PRKAB2: variants seen among roughly 807,000 people sequenced by gnomAD.
PRKAB2 encodes the protein 5'-AMP-activated protein kinase subunit beta-2.
Under a neutral mutation model 29.8 loss-of-function variants are expected in PRKAB2, and 18 were observed. The ratio of observed to expected loss-of-function variants is 0.60; its 90% CI spans 0.42 to 0.89. The LOEUF is 0.89. PRKAB2 is among the 40% of genes least tolerant of loss of function. The pLI is 0.00. For missense variants in PRKAB2, 270 were observed against 344.3 expected, an observed-to-expected ratio of 0.78 and a Z score of 1.71; for synonymous variants, 136 against 125.9, an observed-to-expected ratio of 1.08 and a Z score of -0.54.
rs900057635 is a variant in PRKAB2 at position 147,172,150 on chromosome 1, C to A, written c.-6G>T. 2.3e-5 allele frequency: 35 copies of A among 1,544,274 alleles called. No homozygotes were observed. Among genetic ancestry groups the A allele is most frequent in the Non-Finnish European group, 3.1e-5 (35 of 1,144,656 alleles). ...TCGCTGGTGGTGTTTCCCATGGCTG[C>A]AGCTCGTCGGGGACCACCTACCGCG... On this transcript the variant is annotated 5_prime_UTR_variant, in exon 2 of 8. Transcript: ENST00000254101.
chr1:147,167,957 C>CTAGAA, intron 2 of PRKAB2, 24 bp from the exon 3 acceptor site: 8 of 1,595,596 alleles, frequency 5.0e-6, no homozygotes, highest in Non-Finnish European at 6.8e-6. Flanking sequence ...TAGGTCATCC[C>CTAGAA]TAGAATAAAC....
chr1:147,157,032 C>T lies in PRKAB2; in HGVS notation c.*2533G>A, dbSNP rs587676660. On this transcript the variant is annotated 3_prime_UTR_variant, in exon 8 of 8. Transcript: ENST00000254101. ...AAGAACTATTTTCTTATTCTGCCTACTTTGACTCTGTAAAATTCCCAAAAG... is the reference window on the plus strand; with the variant it reads ...AAGAACTATTTTCTTATTCTGCCTATTTTGACTCTGTAAAATTCCCAAAAG... 3.3e-5 allele frequency: 5 copies of T among 152,198 alleles called. No homozygotes were observed. The South Asian group carries it at 8.3e-4, about 25-fold the overall frequency. 9.4% of individuals were successfully genotyped at this position (152,198 alleles called of 1,614,324 possible).
intron 7 of PRKAB2, 148 bp downstream of exon 7, chr1:147,161,563 GT>G: frequency 1.5e-6 from 1 of 677,034 alleles, no homozygotes; most frequent in Admixed American, 3.3e-5. Flanking sequence ...CAACCTAGTA[GT>G]TAAAAAAAAG....
intron 3 of PRKAB2, among the ~76,000 whole-genome samples, 165 bp downstream of exon 3, chr1:147,167,602 G>A (rs1654313875): frequency 6.6e-6 from 1 of 152,064 alleles, no homozygotes; most frequent in Non-Finnish European, 1.5e-5. Context: ...GACTCACTAT[G>A]AGGTTAAAAA....
At chr1:147,165,148 C>A (rs1404109219) in intron 5 of PRKAB2, among the ~76,000 whole-genome samples, 1 of 152,320 alleles carries the variant, frequency 6.6e-6, no homozygotes, top group African/African-American at 2.4e-5. Context: ...GCCTCAGCCT[C>A]CCGAGTAGCT....
At position 147,158,806 on chromosome 1, in the gene PRKAB2, T is replaced by C. The variant is rs2101612857; in HGVS notation, c.*759A>G. Reference sequence around the variant, plus strand: ...TTTCTTATAATGCTGAAACATATTTTCTTTAGAAGTTAAAACAAACACGAC... The same window carrying C: ...TTTCTTATAATGCTGAAACATATTTCCTTTAGAAGTTAAAACAAACACGAC... On this transcript the variant is annotated 3_prime_UTR_variant, in exon 8 of 8. Coordinates refer to ENST00000254101, the MANE Select transcript of PRKAB2 (RefSeq NM_005399.5). 1 of 152,292 alleles carries C rather than the reference T, an allele frequency of 6.6e-6. No homozygotes were observed. The highest frequency in any genetic ancestry group is 2.4e-5 in the African/African-American group (1 of 41,556). The allele number at this position is 152,292 out of a possible 1,614,324, so 9.4% of individuals were successfully genotyped here.
rs183405206 is a variant in PRKAB2, at chr1:147,161,927, A to G, written c.673-147T>C. 325 of 624,860 alleles carry G rather than the reference A, an allele frequency of 5.2e-4. 2 individuals are homozygous for G. In the African/African-American group the frequency reaches 5.4e-3, roughly 10 times the overall value. 38.7% of individuals were successfully genotyped at this position (624,860 alleles called of 1,614,324 possible). On this transcript the variant is annotated intron_variant, in intron 6 of 7. Coordinates refer to ENST00000254101, the MANE Select transcript of PRKAB2 (RefSeq NM_005399.5). ...TTTTCAATAATGCACCCACTCTAGT[A>G]TGTATCAATAATACAATCCTATTAC...
rs1408633609 is a variant in PRKAB2, at chr1:147,156,640, A to C, written c.*2925T>G. The C allele has an allele frequency of 1.3e-5, 2 of 152,166 alleles. No individual in the cohort carries two copies. Among genetic ancestry groups the C allele is most frequent in the East Asian group, 3.9e-4 (2 of 5,188 alleles). 9.4% of individuals were successfully genotyped at this position (152,166 alleles called of 1,614,324 possible). A position where few individuals can be genotyped will look rare whatever the true frequency, so the allele number is the denominator to read the frequency against. On this transcript the variant is annotated 3_prime_UTR_variant, in exon 8 of 8. Coordinates refer to ENST00000254101, the MANE Select transcript of PRKAB2 (RefSeq NM_005399.5). ...AGAATGGTTAAATCCCATTCAGCTT[A>C]AAGGAGGCTAATAATCATGGTGTGG...
intron 5 of PRKAB2, among the ~76,000 whole-genome samples, chr1:147,164,903 A>G (rs1654160469): frequency 6.6e-6 from 1 of 152,234 alleles, no homozygotes; most frequent in African/African-American, 2.4e-5. Context: ...AGTCACAAGT[A>G]TCCTCATAAT....
chr1:147,167,532 G>A (rs1553913828), intron 3 of PRKAB2, among the ~76,000 whole-genome samples: 1 of 152,110 alleles, frequency 6.6e-6, no homozygotes, highest in Non-Finnish European at 1.5e-5. Flanking sequence ...AAAGAATGTA[G>A]CCATAAAGCT....
Position 147,167,926 on chromosome 1 carries a change from C to A in PRKAB2, c.164G>T (p.Gly55Val). ...VFSLPDSKLP[G>V]DKEFVSWQQD... is the part of the protein sequence containing the mutation. ...CTGCCATGATACAAACTCTTTGTCC[C>A]CAGGGAGCTGTAAGAAGGAGTAGGT... The change falls in exon 3 of 8, where the codon GGG (glycine) becomes GTG (valine). Residue 55 changes from glycine to valine, a missense_variant. Coordinates refer to ENST00000254101, the MANE Select transcript of PRKAB2 (RefSeq NM_005399.5). The A allele has an allele frequency of 6.2e-7, 1 of 1,611,258 alleles. No homozygotes were observed. The highest frequency in any genetic ancestry group is 8.5e-7 in the Non-Finnish European group (1 of 1,178,840).
rs1197013982 is a variant in PRKAB2 at position 147,158,975 on chromosome 1, G to A, written c.*590C>T. 2 of 152,416 alleles carry A rather than the reference G, an allele frequency of 1.3e-5. No homozygotes were observed. The highest frequency in any genetic ancestry group is 4.8e-5 in the African/African-American group (2 of 41,398). The allele number at this position is 152,416 out of a possible 1,614,324, so 9.4% of individuals were successfully genotyped here. A position where few individuals can be genotyped will look rare whatever the true frequency, so the allele number is the denominator to read the frequency against. ...AGAGGGGTCAGGTATGGGATCTGAA[G>A]GAGGCTATTAAAGGAAGAATGTGAA... On this transcript the variant is annotated 3_prime_UTR_variant, in exon 8 of 8. Coordinates refer to ENST00000254101, the MANE Select transcript of PRKAB2 (RefSeq NM_005399.5).
In PRKAB2 at chr1:147,162,424, T is replaced by A. The variant is rs1423747494; in HGVS notation, c.672+16A>T. On this transcript the variant is annotated intron_variant, in intron 6 of 7. Coordinates refer to ENST00000254101, the MANE Select transcript of PRKAB2 (RefSeq NM_005399.5). ...TAGACACCCCCAGATGCCCCAGTAATACTCAGGATACTCACAGAAATATTA... is the reference window on the plus strand; with the variant it reads ...TAGACACCCCCAGATGCCCCAGTAAAACTCAGGATACTCACAGAAATATTA... 1 of 1,606,886 alleles carries A rather than the reference T, an allele frequency of 6.2e-7. No homozygotes were observed.
At chr1:147,160,101 T>C (rs1436668461) in intron 7 of PRKAB2, among the ~76,000 whole-genome samples, 1 of 152,140 alleles carries the variant, frequency 6.6e-6, no homozygotes, top group East Asian at 1.9e-4. Flanking sequence ...AAACAATCCT[T>C]CTGAAAAACT....
chr1:147,171,983 G>A lies in PRKAB2; in HGVS notation c.156+6C>T, dbSNP rs1196656704. 2 of 1,599,200 alleles carry A rather than the reference G, an allele frequency of 1.3e-6. No homozygotes were observed. The highest frequency in any genetic ancestry group is 2.3e-5 in the East Asian group (1 of 43,766). On this transcript the variant is annotated splice_donor_region_variant and intron_variant, in intron 2 of 7. Coordinates refer to ENST00000254101, the MANE Select transcript of PRKAB2 (RefSeq NM_005399.5). The stretch of plus-strand genomic sequence containing the variant: ...CTGACACCAACTGCGGGCATGGGAC[G>A]CTTACCTTGGAGTCAGGGAGGCTGA...
At chr1:147,171,367 CCACCACAA>C (rs1290796642) in intron 2 of PRKAB2, among the ~76,000 whole-genome samples, 1 of 152,114 alleles carries the variant, frequency 6.6e-6, no homozygotes, top group Non-Finnish European at 1.5e-5. Context: ...ACAGCCTCAG[CCACCACAA>C]CTATAAAGTA....
rs1445188647 is a variant in PRKAB2 at position 147,172,047 on chromosome 1, T to C, written c.98A>G (p.His33Arg). The change falls in exon 2 of 8, where the codon CAC becomes CGC. Residue 33 changes from histidine to arginine, a missense_variant. His to Arg is a conservative substitution (Grantham distance 29). Transcript: ENST00000254101. ...GTCCGTACTCCCCACCATGATCTTG[T>C]GCTCCTTCCCCGGGGCATGGCCGCC... ...GAGGHAPGKEHKIMVGSTDDP... is the reference protein window; with the variant it reads ...GAGGHAPGKERKIMVGSTDDP... 54 of 1,589,016 alleles carry C rather than the reference T, an allele frequency of 3.4e-5. No individual in the cohort carries two copies. The highest frequency in any genetic ancestry group is 4.6e-5 in the Non-Finnish European group (54 of 1,168,544).
rs2101609556 is a variant in PRKAB2 at position 147,157,022 on chromosome 1, A to T, written c.*2543T>A. On this transcript the variant is annotated 3_prime_UTR_variant, in exon 8 of 8. Coordinates refer to ENST00000254101, the MANE Select transcript of PRKAB2 (RefSeq NM_005399.5). Reference sequence around the variant, plus strand: ...GGCCCTCCTGAAGAACTATTTTCTTATTCTGCCTACTTTGACTCTGTAAAA... The same window carrying T: ...GGCCCTCCTGAAGAACTATTTTCTTTTTCTGCCTACTTTGACTCTGTAAAA... The T allele has an allele frequency of 6.6e-6, 1 of 152,242 alleles. No individual in the cohort carries two copies. The highest frequency in any genetic ancestry group is 1.5e-5 in the Non-Finnish European group (1 of 68,006). The allele number at this position is 152,242 out of a possible 1,614,324, so 9.4% of individuals were successfully genotyped here.
At position 147,171,129 on chromosome 1, in the gene PRKAB2, C is replaced by T. The variant is rs145513198; in HGVS notation, c.156+860G>A. Among the ~76,000 whole-genome samples the T allele has an allele frequency of 2.6e-5, 4 of 152,348 alleles. No individual in the cohort carries two copies. In the East Asian group the frequency reaches 7.7e-4, roughly 29 times the overall value. On this transcript the variant is annotated intron_variant, in intron 2 of 7. Coordinates refer to ENST00000254101, the MANE Select transcript of PRKAB2 (RefSeq NM_005399.5). ...TGACAGCTCTGAAAGCCATTAGAAA[C>T]ATTAGAATGGTAATCGCTGCTATCA...
Sources: gnomAD v4.1 joint callset for allele counts (sites outside exome capture counted in the v4.1 genomes callset) on GRCh38, gnomAD v4.1.1 for gene constraint, MANE v1.5 for transcripts, NCBI Gene and HGNC (gene_info 2026-07-23, HGNC 2026-07-21) for gene names.